Variants in INPP4B observed in about 807,000 individuals in gnomAD.
INPP4B encodes inositol polyphosphate-4-phosphatase type II B.
INPP4B carries 55 observed loss-of-function variants against 122.5 expected under a neutral mutation model. That is an observed-to-expected ratio of 0.45 (90% CI 0.36 to 0.56). The LOEUF is 0.56. Ranked by LOEUF, INPP4B falls within the 20% of genes least tolerant of loss-of-function variation. The pLI is 0.00. For synonymous variants in INPP4B, 403 were observed against 388.7 expected, an observed-to-expected ratio of 1.04 and a Z score of -0.43; for missense variants, 1,000 against 1,097.7, an observed-to-expected ratio of 0.91 and a Z score of 1.26.
chr4:142,513,674 T>C (rs966557264), intron 2 of INPP4B, among the ~76,000 whole-genome samples: 2 of 152,180 alleles, frequency 1.3e-5, no homozygotes, highest in Non-Finnish European at 2.9e-5. Flanking sequence ...TCCCAAGTGC[T>C]GGGATTACAG....
chr4:142,797,977 G>T (rs1777492777), intron 1 of INPP4B, among the ~76,000 whole-genome samples: 3 of 151,772 alleles, frequency 2.0e-5, no homozygotes, highest in Non-Finnish European at 2.9e-5. Context: ...AAAGTGAAAA[G>T]AAATATCACT....
At chr4:142,374,674 T>TTC (rs1791182645) in intron 7 of INPP4B, among the ~76,000 whole-genome samples, 1 of 151,908 alleles carries the variant, frequency 6.6e-6, no homozygotes, top group Admixed American at 6.6e-5. Flanking sequence ...CAACACTAAT[T>TTC]TCTTCATGCT....
intron 2 of INPP4B, among the ~76,000 whole-genome samples, chr4:142,632,082 A>G (rs899907095): frequency 6.6e-6 from 1 of 152,148 alleles, no homozygotes; most frequent in African/African-American, 2.4e-5. Flanking sequence ...GTCATAGCCT[A>G]TAATTTGTGT....
At chr4:142,222,815 T>G (rs1403994965) in intron 12 of INPP4B, among the ~76,000 whole-genome samples, 2 of 152,182 alleles carry the variant, frequency 1.3e-5, no homozygotes, top group Non-Finnish European at 2.9e-5. Flanking sequence ...GTGCTAGGTT[T>G]CTAAGCCAGA....
chr4:142,699,927 T>A (rs1761502109), intron 2 of INPP4B, among the ~76,000 whole-genome samples: 1 of 152,178 alleles, frequency 6.6e-6, no homozygotes, highest in Non-Finnish European at 1.5e-5. Flanking sequence ...TTTAGCATTT[T>A]TTTTCTACAG....
chr4:142,839,682 G>C (rs1561128292), intron 1 of INPP4B, among the ~76,000 whole-genome samples: 2 of 152,186 alleles, frequency 1.3e-5, no homozygotes, highest in Non-Finnish European at 2.9e-5. Context: ...AAACTCCTAA[G>C]AGGGAAAATG....
intron 5 of INPP4B, among the ~76,000 whole-genome samples, chr4:142,407,730 G>A (rs534907434): frequency 6.6e-5 from 10 of 152,144 alleles, no homozygotes; most frequent in East Asian, 1.9e-4. Context: ...GAGAGAACCC[G>A]AGATCAGGCA....
At chr4:142,389,540 T>C (rs1797032718) in intron 7 of INPP4B, among the ~76,000 whole-genome samples, 1 of 152,188 alleles carries the variant, frequency 6.6e-6, no homozygotes, top group Non-Finnish European at 1.5e-5. Flanking sequence ...GATCAGATAT[T>C]AGGTTTGTTG....
chr4:142,123,898 G>A (rs1797614668), intron 19 of INPP4B, among the ~76,000 whole-genome samples: 1 of 152,074 alleles, frequency 6.6e-6, no homozygotes, highest in African/African-American at 2.4e-5. Flanking sequence ...CGACAGTTTG[G>A]TTAAAATATT....
At chr4:142,737,621 T>C (rs1055369074) in intron 1 of INPP4B, among the ~76,000 whole-genome samples, 13 of 152,084 alleles carry the variant, frequency 8.5e-5, no homozygotes, top group African/African-American at 2.9e-4. Context: ...TGGGATCTAA[T>C]TAAACTAAAG....
chr4:142,675,541 C>CA (rs1757636545), intron 2 of INPP4B, among the ~76,000 whole-genome samples: 1 of 151,906 alleles, frequency 6.6e-6, no homozygotes, highest in Non-Finnish European at 1.5e-5. Flanking sequence ...GAGAAAGAAA[C>CA]AAAAAAATAA....
At chr4:142,552,818 C>T (rs1016643539) in intron 2 of INPP4B, among the ~76,000 whole-genome samples, 1 of 152,128 alleles carries the variant, frequency 6.6e-6, no homozygotes, top group African/African-American at 2.4e-5. Context: ...TCAGAGAGGG[C>T]AAGTTATTTG....
intron 11 of INPP4B, among the ~76,000 whole-genome samples, chr4:142,241,520 G>A (rs1442030232): frequency 6.6e-6 from 1 of 152,070 alleles, no homozygotes; most frequent in Non-Finnish European, 1.5e-5. Context: ...GATTGTAATA[G>A]GGACATTTAA....
At chr4:142,157,314 C>T (rs1817749354) in intron 17 of INPP4B, among the ~76,000 whole-genome samples, 1 of 152,066 alleles carries the variant, frequency 6.6e-6, no homozygotes, top group Non-Finnish European at 1.5e-5. Context: ...TTTCTATCCT[C>T]TGATGAAGGA....
rs80331858 is a variant in INPP4B, at chr4:142,327,711, C to T, written c.373-12949G>A. On this transcript the variant is annotated intron_variant, in intron 7 of 25. Transcript: ENST00000262992. ...ACTTGTCTACACTCCTTTAACTGGGCCATTCTAATCACTCAACATTCTCTT... is the reference window on the plus strand; with the variant it reads ...ACTTGTCTACACTCCTTTAACTGGGTCATTCTAATCACTCAACATTCTCTT... Among the ~76,000 whole-genome samples, 18 of 152,240 alleles carry T rather than the reference C, an allele frequency of 1.2e-4. No homozygotes were observed. In the East Asian group the frequency reaches 2.9e-3, roughly 24 times the overall value.
chr4:142,436,025 C>T (rs75893852), intron 3 of INPP4B, among the ~76,000 whole-genome samples: 6,365 of 152,294 alleles, frequency 0.042, 443 homozygotes, highest in African/African-American at 0.15. Context: ...TGGGGAAGGG[C>T]GGCAGCTATC....
At chr4:142,298,801 C>A (rs574375005) in intron 9 of INPP4B, among the ~76,000 whole-genome samples, 1 of 151,966 alleles carries the variant, frequency 6.6e-6, no homozygotes, top group African/African-American at 2.4e-5. Flanking sequence ...AATCTCCATT[C>A]CTTCTCAGCT....
chr4:142,625,644 T>C (rs952367062), intron 2 of INPP4B, among the ~76,000 whole-genome samples: 5 of 152,006 alleles, frequency 3.3e-5, no homozygotes, highest in African/African-American at 1.2e-4. Context: ...TTAAAGTTCA[T>C]ATGGAACCAA....
chr4:142,758,303 A>C (rs1770793920), intron 1 of INPP4B, among the ~76,000 whole-genome samples: 1 of 152,168 alleles, frequency 6.6e-6, no homozygotes, highest in South Asian at 2.1e-4. Context: ...TGACATGTGA[A>C]GAGTTGCTGT....
Sources: gnomAD v4.1 joint callset for allele counts (sites outside exome capture counted in the v4.1 genomes callset) on GRCh38, gnomAD v4.1.1 for gene constraint, MANE v1.5 for transcripts, NCBI Gene and HGNC (gene_info 2026-07-23, HGNC 2026-07-21) for gene names.